The following SLC22A2 variants were observed in gnomAD, a reference collection of about 807,000 sequenced individuals.
SLC22A2 encodes organic cation transporter 2.
A neutral mutation model predicts 60.5 loss-of-function variants in SLC22A2; 46 were observed. The observed-to-expected ratio is 0.76, with a 90% CI of 0.60 to 0.97. SLC22A2 has a LOEUF of 0.97. SLC22A2 is among the 50% of genes least tolerant of loss of function. The pLI, the probability that SLC22A2 is intolerant of heterozygous loss-of-function variation, is 0.00. For missense variants in SLC22A2, 701 were observed against 706.6 expected, an observed-to-expected ratio of 0.99 and a Z score of 0.09; for synonymous variants, 303 against 267.0, an observed-to-expected ratio of 1.13 and a Z score of -1.31.
chr6:160,221,838 C>A (rs1284758284), intron 10 of SLC22A2, among the ~76,000 whole-genome samples: 1 of 152,158 alleles, frequency 6.6e-6, no homozygotes, highest in Non-Finnish European at 1.5e-5. Context: ...TCAAAGATCA[C>A]TGATTGCAGA....
intron 10 of SLC22A2, among the ~76,000 whole-genome samples, chr6:160,218,988 TAGTAGCAACAAC>T (rs1361119264): frequency 2.3e-4 from 17 of 75,426 alleles, no homozygotes; most frequent in Non-Finnish European, 3.8e-4. Context: ...ATCATTACCA[TAGTAGCAACAAC>T]AGTAGCAGCA....
In SLC22A2 at chr6:160,241,570, T is replaced by C. The variant is rs1471555392; in HGVS notation, c.1405A>G (p.Ile469Val). Residue 469 changes from isoleucine (I) to valine (V), a missense_variant, in exon 9 of 11, where the codon ATC (isoleucine) becomes GTC (valine). By Grantham distance (29) the Ile-to-Val change is conservative. Transcript: ENST00000366953. ...CCAATGTCACACATTGAGGAACAGATGTGGACGCCAAGATTCCTAGAATGC... is the reference window on the plus strand; with the variant it reads ...CCAATGTCACACATTGAGGAACAGACGTGGACGCCAAGATTCCTAGAATGC... ...PTFIRNLGVHICSSMCDIGGI... is the reference protein window; with the variant it reads ...PTFIRNLGVHVCSSMCDIGGI... 1 of 1,612,242 alleles carries C rather than the reference T, an allele frequency of 6.2e-7. No individual in the cohort carries two copies. The highest frequency in any genetic ancestry group is 8.5e-7 in the Non-Finnish European group (1 of 1,178,490).
In SLC22A2 at chr6:160,241,711, C is replaced by T. The variant is rs1463833973; in HGVS notation, c.1389-125G>A. 2.2e-5 allele frequency: 13 copies of T among 582,750 alleles called. No individual in the cohort carries two copies. The East Asian group carries it at 2.3e-4, about 10-fold the overall frequency. The allele number at this position is 582,750 out of a possible 1,614,324, so 36.1% of individuals were successfully genotyped here. A position where few individuals can be genotyped will look rare whatever the true frequency, so the allele number is the denominator to read the frequency against. ...TTCAAGAGCTATAGTGTACACTGCTCAGGTGACGGGTGCACCAAAATCTCA... is the reference window on the plus strand; with the variant it reads ...TTCAAGAGCTATAGTGTACACTGCTTAGGTGACGGGTGCACCAAAATCTCA... On this transcript the variant is annotated intron_variant, in intron 8 of 10. Coordinates refer to ENST00000366953, the MANE Select transcript of SLC22A2 (RefSeq NM_003058.4).
At chr6:160,220,374 T>G (rs1315600553) in intron 10 of SLC22A2, among the ~76,000 whole-genome samples, 2 of 152,180 alleles carry the variant, frequency 1.3e-5, no homozygotes, top group Non-Finnish European at 2.9e-5. Flanking sequence ...CTTTTGCTAT[T>G]TCTATTGTAT....
chr6:160,218,889 C>A (rs1165849529), intron 10 of SLC22A2, among the ~76,000 whole-genome samples: 1 of 4,926 alleles, frequency 2.0e-4, no homozygotes, highest in African/African-American at 7.8e-4. Context: ...TCAGCAGTAG[C>A]AACAACAGAA....
intron 6 of SLC22A2, 67 bp downstream of exon 6, chr6:160,245,372 T>A: frequency 4.5e-6 from 4 of 894,898 alleles, no homozygotes; most frequent in Non-Finnish European, 7.1e-6. Flanking sequence ...TTTTCTTCCC[T>A]TCCTTACTAT....
At position 160,249,331 on chromosome 6, in the gene SLC22A2, C is replaced by A; in HGVS notation, c.727G>T (p.Val243Phe). 6.2e-7 allele frequency: 1 copy of A among 1,613,602 alleles called. No individual in the cohort carries two copies. Among genetic ancestry groups the A allele is most frequent in the Non-Finnish European group, 8.5e-7 (1 of 1,179,780 alleles). ...YRRTVGIFYQ[V>F]AYTVGLLVLA... ...ACCAGGAGCCCAACTGTATAGGCAA[C>A]TTGGTAAAAAATCCCCACTGTTCTC... is the stretch of plus-strand genomic sequence containing the variant. The change falls in exon 4 of 11, where the codon GTT becomes TTT. Residue 243 changes from valine (V) to phenylalanine (F), a missense_variant. Transcript: ENST00000366953.
At chr6:160,232,607 C>G (rs930634238) in intron 9 of SLC22A2, among the ~76,000 whole-genome samples, 1 of 151,654 alleles carries the variant, frequency 6.6e-6, no homozygotes, top group African/African-American at 2.4e-5. Context: ...TGCTTTACTT[C>G]CAAAGGAAGC....
chr6:160,225,548 C>G (rs1359761725), intron 9 of SLC22A2, among the ~76,000 whole-genome samples: 1 of 152,150 alleles, frequency 6.6e-6, no homozygotes, highest in Non-Finnish European at 1.5e-5. Flanking sequence ...ATCCCAAGCT[C>G]TGAGGGCCTG....
At chr6:160,241,407 TAGAAG>T (rs1268054451) in intron 9 of SLC22A2, 62 bp downstream of exon 9, 7 of 965,982 alleles carry the variant, frequency 7.2e-6, no homozygotes, top group Non-Finnish European at 1.2e-5. Flanking sequence ...TTGAATGAAG[TAGAAG>T]AGAAGTGAAG....
At chr6:160,217,566 T>A (rs1460532160) in intron 10 of SLC22A2, 68 bp from the exon 11 acceptor site, 2 of 804,620 alleles carry the variant, frequency 2.5e-6, no homozygotes, top group Non-Finnish European at 4.3e-6. Context: ...CAAAATAAAG[T>A]GGGTAATAAA....
intron 2 of SLC22A2, among the ~76,000 whole-genome samples, chr6:160,251,353 A>G (rs1446785228): frequency 6.6e-6 from 1 of 152,164 alleles, no homozygotes; most frequent in Non-Finnish European, 1.5e-5. Context: ...ACAATTGGCA[A>G]CCTGGGTTTC....
At chr6:160,218,320 A>C (rs1390487241) in intron 10 of SLC22A2, 2 of 355,046 alleles carry the variant, frequency 5.6e-6, no homozygotes, top group East Asian at 1.6e-4. Flanking sequence ...CAGCAGAAAC[A>C]ACAACAGTAG....
At chr6:160,238,693 C>T (rs1329081209) in intron 9 of SLC22A2, among the ~76,000 whole-genome samples, 3 of 152,158 alleles carry the variant, frequency 2.0e-5, no homozygotes, top group African/African-American at 7.2e-5. Context: ...CCACTAGCCA[C>T]TCATACTAAA....
rs75279239 is a variant in SLC22A2 at position 160,240,261 on chromosome 6, C to T, written c.1501+1213G>A. The stretch of plus-strand genomic sequence containing the variant: ...ATCCTTGTGAGACTTTAACTAGTGC[C>T]CAGTTAAATTTACATTTTACATATG... On this transcript the variant is annotated intron_variant, in intron 9 of 10. Transcript: ENST00000366953. Among the ~76,000 whole-genome samples the T allele has an allele frequency of 7.9e-5, 12 of 152,046 alleles. No homozygotes were observed. In the East Asian group the frequency reaches 2.3e-3, roughly 29 times the overall value.
chr6:160,217,544 G>T (rs777500230), intron 10 of SLC22A2, 46 bp from the exon 11 acceptor site: 1 of 1,102,152 alleles, frequency 9.1e-7, no homozygotes, highest in South Asian at 1.3e-5. Context: ...AAATTATGAG[G>T]AGGCTGAAAA....
At position 160,224,758 on chromosome 6, in the gene SLC22A2, T is replaced by C; in HGVS notation, c.1548A>G (p.Glu516=). The C allele has an allele frequency of 6.2e-7, 1 of 1,603,788 alleles. No individual in the cohort carries two copies. Among genetic ancestry groups the C allele is most frequent in the Non-Finnish European group, 8.5e-7 (1 of 1,174,032 alleles). The change falls in exon 10 of 11, where the codon GAA becomes GAG. Residue 516 remains glutamate (E), a synonymous_variant. Transcript: ENST00000366953. ...TCTCAGGCAAAGCTTTCCCTTTAGT[T>C]TCTGGAAGCAACAGCACCAGACCTC... ...VAGGLVLLLP[E]TKGKALPETI...
At chr6:160,252,527 C>G (rs1260244816) in intron 2 of SLC22A2, among the ~76,000 whole-genome samples, 1 of 152,204 alleles carries the variant, frequency 6.6e-6, no homozygotes, top group East Asian at 1.9e-4. Flanking sequence ...TGAGACTCCT[C>G]CTACCCCTCA....
At position 160,258,394 on chromosome 6, in the gene SLC22A2, A is replaced by C. The variant is rs767010128; in HGVS notation, c.364T>G (p.Cys122Gly). The change falls in exon 1 of 11, where the codon TGC (cysteine) becomes GGC (glycine). Residue 122 changes from cysteine (C) to glycine (G), a missense_variant. Transcript: ENST00000366953. ...TNRSRLPLGP[C>G]RDGWVYETPG... ...GTCTCGTACACCCAGCCGTCCCGGC[A>C]GGGGCCCAGTGGCAGGCGGCTCCTG... 1 of 1,613,790 alleles carries C rather than the reference A, an allele frequency of 6.2e-7. No individual in the cohort carries two copies. Among genetic ancestry groups the C allele is most frequent in the African/African-American group, 1.3e-5 (1 of 74,930 alleles).
Sources: gnomAD v4.1 joint callset for allele counts (sites outside exome capture counted in the v4.1 genomes callset) on GRCh38, gnomAD v4.1.1 for gene constraint, MANE v1.5 for transcripts, NCBI Gene and HGNC (gene_info 2026-07-23, HGNC 2026-07-21) for gene names.